FIGN: variants seen among roughly 807,000 people sequenced by gnomAD.
FIGN encodes fidgetin.
FIGN carries 11 observed loss-of-function variants against 51.3 expected under a neutral mutation model. The ratio of observed to expected loss-of-function variants is 0.21; its 90% CI spans 0.13 to 0.35. FIGN has a LOEUF of 0.35. Ranked by LOEUF, FIGN falls within the 10% of genes least tolerant of loss-of-function variation. The pLI is 1.00. For synonymous variants in FIGN, 407 were observed against 363.2 expected (o/e 1.12, Z -1.37); for missense variants, 857 against 943.6 (o/e 0.91, Z 1.20).
chr2:163,677,618 T>C (rs1683992410), intron 2 of FIGN, among the ~76,000 whole-genome samples: 1 of 152,256 alleles, frequency 6.6e-6, no homozygotes, highest in African/African-American at 2.4e-5. Context: ...TTACTTTTAT[T>C]AGGCTATTCT....
At chr2:163,668,227 G>A (rs549128641) in intron 2 of FIGN, among the ~76,000 whole-genome samples, 49 of 152,204 alleles carry the variant, frequency 3.2e-4, no homozygotes, top group South Asian at 8.3e-4. Flanking sequence ...AAGACACCAT[G>A]GGGCTAAAGG....
At chr2:163,735,195 C>G (rs1684995675) in intron 1 of FIGN, 123 bp from the exon 2 acceptor site, 1 of 468,432 alleles carries the variant, frequency 2.1e-6, no homozygotes, top group Non-Finnish European at 3.8e-6. Flanking sequence ...ATTTCACTCA[C>G]TCCCATTGAA....
rs138074416 is a variant in FIGN at position 163,669,015 on chromosome 2, A to AATATATATATATATATATATAT, written c.26-57210_26-57209insATATATATATATATATATATAT. ...TCTTAGCATAATTAAGAAAAAAAGGAATATATATATATATATATATACACT... is the reference window on the plus strand; with the variant it reads ...TCTTAGCATAATTAAGAAAAAAAGGAATATATATATATATATATATATATATATATATATATATATATACACT... On this transcript the variant is annotated intron_variant, in intron 2 of 2. Coordinates refer to ENST00000333129, the MANE Select transcript of FIGN (RefSeq NM_018086.4). Among the ~76,000 whole-genome samples the AATATATATATATATATATATAT allele has an allele frequency of 3.0e-3, 422 of 138,372 alleles. 4 individuals are homozygous for AATATATATATATATATATATAT. Among genetic ancestry groups the AATATATATATATATATATATAT allele is most frequent in the African/African-American group, 9.3e-3 (330 of 35,296 alleles). 90.8% of individuals were successfully genotyped at this position (138,372 alleles called of 152,430 possible).
At chr2:163,628,756 TA>T (rs904789559) in intron 2 of FIGN, among the ~76,000 whole-genome samples, 5 of 151,584 alleles carry the variant, frequency 3.3e-5, no homozygotes, top group African/African-American at 9.7e-5. Context: ...TGGAAAAATT[TA>T]AAAAAAAATT....
intron 2 of FIGN, among the ~76,000 whole-genome samples, chr2:163,672,199 G>A (rs1248429371): frequency 2.7e-5 from 4 of 149,528 alleles, no homozygotes; most frequent in Admixed American, 2.7e-4. Flanking sequence ...CAATCACAAT[G>A]TAGAATTAGA....
chr2:163,657,342 A>G (rs1683577254), intron 2 of FIGN, among the ~76,000 whole-genome samples: 1 of 152,158 alleles, frequency 6.6e-6, no homozygotes, highest in Admixed American at 6.6e-5. Flanking sequence ...GGATGATACA[A>G]TAGGTTCTCT....
At chr2:163,657,074 C>T (rs910167932) in intron 2 of FIGN, among the ~76,000 whole-genome samples, 12 of 150,950 alleles carry the variant, frequency 7.9e-5, no homozygotes, top group Non-Finnish European at 1.6e-4. Context: ...TTTCTTTTGT[C>T]CTCTGAAGAA....
At chr2:163,617,465 C>G (rs1005800675) in intron 2 of FIGN, among the ~76,000 whole-genome samples, 6 of 152,106 alleles carry the variant, frequency 3.9e-5, no homozygotes, top group Admixed American at 3.9e-4. Context: ...AAATTAGACT[C>G]TTTGATTTTA....
intron 2 of FIGN, among the ~76,000 whole-genome samples, chr2:163,727,343 A>C (rs561746196): frequency 6.7e-4 from 102 of 151,944 alleles, no homozygotes; most frequent in African/African-American, 2.4e-3. Context: ...AATTGTGGCT[A>C]ACTACCTACT....
chr2:163,700,231 A>C (rs1021211195), intron 2 of FIGN, among the ~76,000 whole-genome samples: 1 of 152,126 alleles, frequency 6.6e-6, no homozygotes, highest in African/African-American at 2.4e-5. Context: ...TAAATTGAGA[A>C]AATAATTTCA....
chr2:163,719,209 A>G (rs1415100626), intron 2 of FIGN, among the ~76,000 whole-genome samples: 2 of 152,154 alleles, frequency 1.3e-5, no homozygotes, highest in Non-Finnish European at 2.9e-5. Context: ...GTCTGACTTT[A>G]TGGATTTTAA....
At chr2:163,643,649 T>TC (rs1683337920) in intron 2 of FIGN, among the ~76,000 whole-genome samples, 1 of 130,570 alleles carries the variant, frequency 7.7e-6, no homozygotes, top group Non-Finnish European at 1.6e-5. Flanking sequence ...AGACTCAGTC[T>TC]CAAAAAAAAA....
At chr2:163,675,802 A>G (rs1207360568) in intron 2 of FIGN, among the ~76,000 whole-genome samples, 1 of 139,300 alleles carries the variant, frequency 7.2e-6, no homozygotes, top group Non-Finnish European at 1.5e-5. Context: ...ACAGAAGATG[A>G]GTAGGATTCA....
chr2:163,624,705 T>C (rs958378787), intron 2 of FIGN, among the ~76,000 whole-genome samples: 6 of 134,136 alleles, frequency 4.5e-5, no homozygotes, highest in African/African-American at 1.4e-4. Flanking sequence ...TATATATATA[T>C]ATATTTTTTT....
chr2:163,660,677 ATATATATACACATATACATATATATG>A (rs1683639088), intron 2 of FIGN, among the ~76,000 whole-genome samples: 1 of 134,144 alleles, frequency 7.5e-6, no homozygotes, highest in African/African-American at 2.7e-5. Flanking sequence ...ATACATATAT[ATATATATACACATATACATATATATG>A]TATACACATA....
At chr2:163,641,889 T>C (rs959436487) in intron 2 of FIGN, among the ~76,000 whole-genome samples, 1 of 152,202 alleles carries the variant, frequency 6.6e-6, no homozygotes, top group Non-Finnish European at 1.5e-5. Context: ...GTCTGAAGTC[T>C]TGCATTTATA....
At chr2:163,623,332 A>G (rs975918496) in intron 2 of FIGN, among the ~76,000 whole-genome samples, 1 of 152,160 alleles carries the variant, frequency 6.6e-6, no homozygotes, top group Admixed American at 6.5e-5. Context: ...CATATTTATT[A>G]TTTGTGGCTT....
chr2:163,616,938 GA>G, intron 2 of FIGN, among the ~76,000 whole-genome samples: 5 of 152,104 alleles, frequency 3.3e-5, no homozygotes, highest in African/African-American at 1.2e-4. Flanking sequence ...CCTTCTGAAA[GA>G]AGGATTGTAC....
chr2:163,702,487 T>C (rs1336238964), intron 2 of FIGN, among the ~76,000 whole-genome samples: 2 of 152,160 alleles, frequency 1.3e-5, no homozygotes, highest in African/African-American at 2.4e-5. Flanking sequence ...TGTCTATTGC[T>C]TTCTACTCCT....
Sources: gnomAD v4.1 joint callset for allele counts (sites outside exome capture counted in the v4.1 genomes callset) on GRCh38, gnomAD v4.1.1 for gene constraint, MANE v1.5 for transcripts, NCBI Gene and HGNC (gene_info 2026-07-23, HGNC 2026-07-21) for gene names.